Variants in PITPNC1 observed in about 807,000 individuals in gnomAD.
The protein encoded by PITPNC1 is phosphatidylinositol transfer protein cytoplasmic 1.
A neutral mutation model predicts 44.7 loss-of-function variants in PITPNC1; 18 were observed. The observed-to-expected ratio is 0.40, with a 90% CI of 0.28 to 0.60. The LOEUF is 0.60. Among genes scored for constraint, PITPNC1 ranks in the 20% least tolerant of loss-of-function variants. PITPNC1 has a pLI of 0.39. For missense variants in PITPNC1, 290 were observed against 418.4 expected (o/e 0.69, Z 2.68); for synonymous variants, 141 against 149.6 (o/e 0.94, Z 0.42).
intron 1 of PITPNC1, among the ~76,000 whole-genome samples, chr17:67,402,382 G>C (rs1448018538): frequency 1.3e-5 from 2 of 152,188 alleles, no homozygotes; most frequent in African/African-American, 4.8e-5. Context: ...TGGAGGACCA[G>C]TGCTGAAACC....
At chr17:67,536,106 A>G (rs2040523431) in intron 2 of PITPNC1, among the ~76,000 whole-genome samples, 2 of 152,220 alleles carry the variant, frequency 1.3e-5, no homozygotes, top group African/African-American at 2.4e-5. Flanking sequence ...TTGATAAACA[A>G]CTAGGTAAAT....
At chr17:67,616,737 A>T (rs550871778) in intron 5 of PITPNC1, among the ~76,000 whole-genome samples, 2 of 152,254 alleles carry the variant, frequency 1.3e-5, no homozygotes, top group South Asian at 2.1e-4. Flanking sequence ...GTGGATTCCT[A>T]TCCACTTTGT....
chr17:67,647,430 A>G (rs1479935935), intron 6 of PITPNC1, among the ~76,000 whole-genome samples: 2 of 147,346 alleles, frequency 1.4e-5, no homozygotes, highest in Non-Finnish European at 3.0e-5. Flanking sequence ...AGCTGGGACT[A>G]CAGGTGCACA....
chr17:67,551,613 T>C (rs1342089074), intron 2 of PITPNC1, among the ~76,000 whole-genome samples: 1 of 152,232 alleles, frequency 6.6e-6, no homozygotes, highest in Non-Finnish European at 1.5e-5. Context: ...GGGCTTACCC[T>C]AAATCCAGGA....
At chr17:67,575,857 TCCTTCCTTCTTTCTTTCTTTCC>T (rs1942435873) in intron 4 of PITPNC1, among the ~76,000 whole-genome samples, 2 of 27,370 alleles carry the variant, frequency 7.3e-5, no homozygotes, top group African/African-American at 1.1e-4. Flanking sequence ...TTTCTTTCTT[TCCTTCCTTCTTTCTTTCTTTCC>T]TTTTTTTTTT....
At chr17:67,447,626 C>G (rs1475228279) in intron 1 of PITPNC1, among the ~76,000 whole-genome samples, 2 of 152,040 alleles carry the variant, frequency 1.3e-5, no homozygotes, top group Non-Finnish European at 1.5e-5. Flanking sequence ...CTCAGACTCC[C>G]AAAGTGCTGG....
intron 1 of PITPNC1, among the ~76,000 whole-genome samples, chr17:67,527,096 C>G (rs1395605884): frequency 1.3e-5 from 2 of 152,228 alleles, no homozygotes; most frequent in African/African-American, 4.8e-5. Context: ...TACATGTGCA[C>G]AGATTAAACA....
intron 1 of PITPNC1, among the ~76,000 whole-genome samples, chr17:67,415,477 G>T (rs759067281): frequency 8.7e-4 from 133 of 152,252 alleles, no homozygotes; most frequent in African/African-American, 3.0e-3. Flanking sequence ...TTTAAAGTCC[G>T]CCTGGACTGA....
At chr17:67,425,420 C>G (rs1258027418) in intron 1 of PITPNC1, among the ~76,000 whole-genome samples, 1 of 151,414 alleles carries the variant, frequency 6.6e-6, no homozygotes, top group Non-Finnish European at 1.5e-5. Flanking sequence ...TTTCTTCTTC[C>G]TGTCTTCTTT....
At chr17:67,438,606 G>A (rs997240305) in intron 1 of PITPNC1, among the ~76,000 whole-genome samples, 1 of 152,322 alleles carries the variant, frequency 6.6e-6, no homozygotes, top group African/African-American at 2.4e-5. Flanking sequence ...GTGAGCCACC[G>A]TGCCCAGCTG....
At chr17:67,462,247 T>TC (rs2039351265) in intron 1 of PITPNC1, among the ~76,000 whole-genome samples, 1 of 145,396 alleles carries the variant, frequency 6.9e-6, no homozygotes, top group South Asian at 2.2e-4. Context: ...TTTTTTTTTT[T>TC]CTGAGACAGG....
chr17:67,397,651 A>G (rs2038239587), intron 1 of PITPNC1, among the ~76,000 whole-genome samples: 1 of 152,154 alleles, frequency 6.6e-6, no homozygotes, highest in Non-Finnish European at 1.5e-5. Context: ...ACCTGCTTAC[A>G]CTGGCTCAGA....
At chr17:67,567,005 T>G (rs1434955342) in intron 4 of PITPNC1, among the ~76,000 whole-genome samples, 1 of 152,260 alleles carries the variant, frequency 6.6e-6, no homozygotes, top group Admixed American at 6.5e-5. Flanking sequence ...TGAGGGTTAA[T>G]GAGTTAATAG....
intron 2 of PITPNC1, among the ~76,000 whole-genome samples, chr17:67,541,239 TAAATA>T (rs1023762440): frequency 1.3e-5 from 2 of 151,756 alleles, no homozygotes; most frequent in African/African-American, 4.8e-5. Context: ...AAAATAAAAA[TAAATA>T]AAATAAAAGA....
At chr17:67,549,955 C>A (rs2040736816) in intron 2 of PITPNC1, among the ~76,000 whole-genome samples, 1 of 152,120 alleles carries the variant, frequency 6.6e-6, no homozygotes, top group Non-Finnish European at 1.5e-5. Context: ...GCATATTGCG[C>A]TAGGGTGTGG....
At chr17:67,590,140 T>C (rs76933028) in intron 5 of PITPNC1, among the ~76,000 whole-genome samples, 2,101 of 152,282 alleles carry the variant, frequency 0.014, 52 homozygotes, top group African/African-American at 0.048. Flanking sequence ...ACTTTTGAAA[T>C]CATGTTAATG....
At chr17:67,601,092 G>T (rs533232918) in intron 5 of PITPNC1, among the ~76,000 whole-genome samples, 5 of 152,098 alleles carry the variant, frequency 3.3e-5, no homozygotes, top group Non-Finnish European at 7.4e-5. Flanking sequence ...CAACTGGGTG[G>T]TGGGATTTCA....
At chr17:67,565,361 T>C (rs1225966490) in intron 4 of PITPNC1, among the ~76,000 whole-genome samples, 1 of 152,056 alleles carries the variant, frequency 6.6e-6, no homozygotes, top group East Asian at 1.9e-4. Flanking sequence ...ATACTTGTTT[T>C]CCATGTTTTC....
At chr17:67,379,523 G>C (rs1339331271) in intron 1 of PITPNC1, 1 of 274,170 alleles carries the variant, frequency 3.6e-6, no homozygotes, top group South Asian at 1.4e-4. Context: ...TTTGGAGTTC[G>C]TTGGCATTTG....
Sources: allele counts gnomAD v4.1 joint callset (sites outside exome capture counted in the v4.1 genomes callset), GRCh38; gene constraint gnomAD v4.1.1; transcripts MANE v1.5; gene names NCBI Gene and HGNC (gene_info 2026-07-23, HGNC 2026-07-21).